The following CDH17 variants were observed in gnomAD, a reference collection of about 807,000 sequenced individuals.
The protein encoded by CDH17 is cadherin 17, also known as cadherin-17.
CDH17 carries 67 observed loss-of-function variants against 86.3 expected under a neutral mutation model. The ratio of observed to expected loss-of-function variants is 0.78; its 90% CI spans 0.64 to 0.95. The LOEUF (loss-of-function observed/expected upper bound fraction) is 0.95, where lower values mean the gene tolerates loss of function less well. CDH17 is among the 40% of genes least tolerant of loss of function. The probability of loss-of-function intolerance (pLI) is 0.00; values close to 1 mark genes in which losing one functional copy is unlikely to be tolerated. For synonymous variants in CDH17, 367 were observed against 366.4 expected (o/e 1.00, Z -0.02); for missense variants, 993 against 1,017.6 (o/e 0.98, Z 0.33).
rs775164344 is a variant in CDH17, at chr8:94,148,848, C to T, written c.1823G>A (p.Gly608Asp). The change falls in exon 14 of 18, where the codon GGT becomes GAT. Residue 608 changes from glycine (G) to aspartate (D), a missense_variant. Coordinates refer to ENST00000027335, the MANE Select transcript of CDH17 (RefSeq NM_004063.4). ...AGTCACGTGGTCAATTTTAAGCCAA[C>T]CTCTTGTGTCTCCCCTCAGTGAATA... is the stretch of plus-strand genomic sequence containing the variant. Reference protein sequence around the residue: ...ISYSLRGDTRGWLKIDHVTGE... With the variant: ...ISYSLRGDTRDWLKIDHVTGE... The T allele has an allele frequency of 1.2e-6, 2 of 1,609,922 alleles. No homozygotes were observed. Among genetic ancestry groups the T allele is most frequent in the Non-Finnish European group, 1.7e-6 (2 of 1,178,424 alleles).
intron 15 of CDH17, among the ~76,000 whole-genome samples, chr8:94,133,337 C>T (rs543952565): frequency 3.9e-5 from 6 of 152,288 alleles, no homozygotes; most frequent in African/African-American, 7.2e-5. Flanking sequence ...TCCGTTACTT[C>T]GTTGAGCAGT....
intron 15 of CDH17, among the ~76,000 whole-genome samples, chr8:94,145,476 G>A (rs1450123842): frequency 6.6e-6 from 1 of 152,170 alleles, no homozygotes; most frequent in Admixed American, 6.5e-5. Context: ...GGGATGGGTG[G>A]GAAGCAGAGA....
In CDH17 at chr8:94,166,398, C is replaced by G. The variant is rs184902389; in HGVS notation, c.1067-422G>C. Reference sequence around the variant, plus strand: ...ACCAGTCATACTGGATTAGGGCCCACTGTAAGGACATTTTACTTTCATTAC... The same window carrying G: ...ACCAGTCATACTGGATTAGGGCCCAGTGTAAGGACATTTTACTTTCATTAC... On this transcript the variant is annotated intron_variant, in intron 9 of 17. Coordinates refer to ENST00000027335, the MANE Select transcript of CDH17 (RefSeq NM_004063.4). Among the ~76,000 whole-genome samples the G allele has an allele frequency of 2.3e-3, 356 of 152,292 alleles. 3 individuals carry two copies. The highest frequency in any genetic ancestry group is 7.8e-3 in the Admixed American group (119 of 15,286).
At chr8:94,176,700 A>G in intron 4 of CDH17, 21 bp from the exon 5 acceptor site, 1 of 1,605,490 alleles carries the variant, frequency 6.2e-7, no homozygotes, top group South Asian at 1.1e-5. Context: ...GGAAAAGGAA[A>G]CCATGTTGGT....
rs1813327506 is a variant in CDH17 at position 94,174,231 on chromosome 8, C to T, written c.454G>A (p.Asp152Asn). 7 of 1,612,286 alleles carry T rather than the reference C, an allele frequency of 4.3e-6. No homozygotes were observed. The highest frequency in any genetic ancestry group is 5.9e-6 in the Non-Finnish European group (7 of 1,179,614). Residue 152 changes from aspartate (D) to asparagine (N), a missense_variant, in exon 6 of 18, where the codon GAC (aspartate) becomes AAC (asparagine). By Grantham distance (23) the Asp-to-Asn change is conservative. Coordinates refer to ENST00000027335, the MANE Select transcript of CDH17 (RefSeq NM_004063.4). Reference protein sequence around the residue: ...GKPFLYVNATDLDDPATPNGQ... With the variant: ...GKPFLYVNATNLDDPATPNGQ... The stretch of plus-strand genomic sequence containing the variant: ...TTGGGAGTGGCCGGATCATCCAGGT[C>T]TGTGGCATTGACATACAAGAAGGGC...
At position 94,189,290 on chromosome 8, in the gene CDH17, T is replaced by TA; in HGVS notation, c.52-6dup. 1 of 1,594,364 alleles carries TA rather than the reference T, an allele frequency of 6.3e-7. No homozygotes were observed. ...CTCTTGGCCATATCCAGTTGCCTGT[T>TA]AAAAAAGAAAGAGAAAATTAGCATC... On this transcript the variant is annotated splice_polypyrimidine_tract_variant and splice_region_variant and intron_variant, in intron 2 of 17. Coordinates refer to ENST00000027335, the MANE Select transcript of CDH17 (RefSeq NM_004063.4).
upstream of CDH17, among the ~76,000 whole-genome samples, chr8:94,210,539 G>C (rs934419079): frequency 6.6e-6 from 1 of 152,128 alleles, no homozygotes; most frequent in African/African-American, 2.4e-5. Flanking sequence ...CATCCTTCCA[G>C]ATTAAATCCA....
intron 7 of CDH17, among the ~76,000 whole-genome samples, chr8:94,171,294 C>T (rs1813265551): frequency 2.0e-5 from 3 of 152,172 alleles, no homozygotes; most frequent in Admixed American, 1.3e-4. Context: ...TATCCACGAA[C>T]CATCCATTTA....
chr8:94,130,927 G>C lies in CDH17; in HGVS notation c.2233C>G (p.Arg745Gly). ...FEEREYVVLIRINDGGRPPLE... is the reference protein window; with the variant it reads ...FEEREYVVLIGINDGGRPPLE... ...GGTGGCCGACCCCCATCATTGATGC[G>C]GATCAAGACGACATACTCCCTCTCC... Residue 745 changes from arginine to glycine, a missense_variant, in exon 16 of 18, where the codon CGC becomes GGC. Physicochemically the swap from Arg to Gly is moderately radical, Grantham distance 125 (BLOSUM62 -2). Coordinates refer to ENST00000027335, the MANE Select transcript of CDH17 (RefSeq NM_004063.4). The C allele has an allele frequency of 6.2e-7, 1 of 1,611,982 alleles. No homozygotes were observed. Among genetic ancestry groups the C allele is most frequent in the Non-Finnish European group, 8.5e-7 (1 of 1,178,148 alleles).
chr8:94,204,109 T>C (rs1813977046), intron 1 of CDH17, among the ~76,000 whole-genome samples: 3 of 152,206 alleles, frequency 2.0e-5, no homozygotes, highest in Admixed American at 2.0e-4. Flanking sequence ...AATTATTCTT[T>C]TTTTAAAAAA....
intron 8 of CDH17, 145 bp downstream of exon 8, chr8:94,170,709 T>C: frequency 7.5e-7 from 1 of 1,339,166 alleles, no homozygotes; most frequent in South Asian, 1.5e-5. Context: ...TATGTGAAAA[T>C]TATCATGTCT....
chr8:94,203,047 C>T (rs1488793026), intron 1 of CDH17: 2 of 204,410 alleles, frequency 9.8e-6, no homozygotes, highest in Non-Finnish European at 1.9e-5. Context: ...CTTTTTCACC[C>T]ACCATCTTGC....
intron 1 of CDH17, among the ~76,000 whole-genome samples, chr8:94,197,591 G>C (rs558723927): frequency 6.6e-6 from 1 of 152,174 alleles, no homozygotes; most frequent in South Asian, 2.1e-4. Context: ...CCAGCACTTT[G>C]GGAGGCTGAG....
At chr8:94,166,207 A>G (rs1813152529) in intron 9 of CDH17, among the ~76,000 whole-genome samples, 1 of 152,102 alleles carries the variant, frequency 6.6e-6, no homozygotes, top group African/African-American at 2.4e-5. Context: ...ACAGAGACTT[A>G]TTTTTTCACA....
At chr8:94,205,060 A>ACC (rs971129608) in intron 1 of CDH17, among the ~76,000 whole-genome samples, 4 of 152,192 alleles carry the variant, frequency 2.6e-5, no homozygotes, top group African/African-American at 9.7e-5. Flanking sequence ...CAATAATGGA[A>ACC]CACTAGGCAT....
chr8:94,164,492 T>C (rs1228002072), intron 10 of CDH17, among the ~76,000 whole-genome samples: 1 of 152,202 alleles, frequency 6.6e-6, no homozygotes, highest in Non-Finnish European at 1.5e-5. Context: ...AGGGAAGGTT[T>C]ATTATACTTA....
chr8:94,195,809 G>A (rs950990395), intron 1 of CDH17, among the ~76,000 whole-genome samples: 1 of 150,940 alleles, frequency 6.6e-6, no homozygotes, highest in Non-Finnish European at 1.5e-5. Context: ...CGCCCAGGCT[G>A]GAGTGCAGTG....
At chr8:94,195,222 C>T (rs984251150) in intron 1 of CDH17, among the ~76,000 whole-genome samples, 2 of 152,162 alleles carry the variant, frequency 1.3e-5, no homozygotes, top group South Asian at 2.1e-4. Flanking sequence ...AAGCTAGTTT[C>T]GAATTCCTGA....
In CDH17 at chr8:94,189,234, T is replaced by G; in HGVS notation, c.103A>C (p.Thr35Pro). The G allele has an allele frequency of 6.2e-7, 1 of 1,613,254 alleles. No homozygotes were observed. Among genetic ancestry groups the G allele is most frequent in the South Asian group, 1.1e-5 (1 of 90,864 alleles). Residue 35 changes from threonine to proline, a missense_variant, in exon 3 of 18, where the codon ACA (threonine) becomes CCA (proline). Transcript: ENST00000027335. ...GKFSGPLKPMTFSIYEGQEPS... is the reference protein window; with the variant it reads ...GKFSGPLKPMPFSIYEGQEPS... ...TCTTGGCCTTCATAAATAGAAAATGTCATGGGTTTCAGGGGTCCACTAAAC... is the reference window on the plus strand; with the variant it reads ...TCTTGGCCTTCATAAATAGAAAATGGCATGGGTTTCAGGGGTCCACTAAAC...
Sources: gnomAD v4.1 joint callset for allele counts (sites outside exome capture counted in the v4.1 genomes callset) on GRCh38, gnomAD v4.1.1 for gene constraint, MANE v1.5 for transcripts, NCBI Gene and HGNC (gene_info 2026-07-23, HGNC 2026-07-21) for gene names.